PCLO: variants seen among roughly 807,000 people sequenced by gnomAD.
The protein encoded by PCLO is protein piccolo.
A neutral mutation model predicts 427.5 loss-of-function variants in PCLO; 82 were observed. That is an observed-to-expected ratio of 0.19 (90% CI 0.16 to 0.23). The LOEUF (loss-of-function observed/expected upper bound fraction) is 0.23. PCLO is among the 10% of genes least tolerant of loss of function. The pLI is 1.00. For synonymous variants in PCLO, 2,357 were observed against 2,155.4 expected (o/e 1.09, Z -2.59); for missense variants, 6,239 against 6,115.9 (o/e 1.02, Z -0.67).
chr7:82,886,137 T>C lies in PCLO; in HGVS notation c.13529-6675A>G, dbSNP rs535302310. Among the ~76,000 whole-genome samples, 10 of 152,236 alleles carry C rather than the reference T, an allele frequency of 6.6e-5. No individual in the cohort carries two copies. In the East Asian group the frequency reaches 1.7e-3, roughly 26 times the overall value. On this transcript the variant is annotated intron_variant, in intron 9 of 24. Coordinates refer to ENST00000333891, the MANE Select transcript of PCLO (RefSeq NM_033026.6). ...CTCAGTCAAGACCAAGGAGAGAAAA[T>C]GCTTTTGGCTTAGGCAGCCCACAAG...
rs762302806 is a variant in PCLO at position 83,162,410 on chromosome 7, T to C, written c.183A>G (p.Ser61=). The change falls in exon 1 of 25, where the codon TCA becomes TCG. Residue 61 remains serine, a synonymous_variant. Transcript: ENST00000333891. The stretch of plus-strand genomic sequence containing the variant: ...TTCCCTTGGGCAGCCCCTGCGCCCT[T>C]GACATGACAGCGGCGATCTGTCTCC... ...EERRQIAAVM[S]RAQGLPKGSV... 6.3e-7 allele frequency: 1 copy of C among 1,598,774 alleles called. No homozygotes were observed. Among genetic ancestry groups the C allele is most frequent in the Non-Finnish European group, 8.5e-7 (1 of 1,172,598 alleles).
intron 6 of PCLO, among the ~76,000 whole-genome samples, chr7:82,919,125 C>T (rs1429709654): frequency 2.0e-5 from 3 of 152,012 alleles, no homozygotes; most frequent in South Asian, 2.1e-4. Flanking sequence ...AATCACTATA[C>T]TTGTCATATG....
chr7:82,784,772 TATC>T (rs1451587283), intron 22 of PCLO, among the ~76,000 whole-genome samples: 2 of 152,338 alleles, frequency 1.3e-5, no homozygotes, highest in Admixed American at 6.5e-5. Flanking sequence ...ACTAAAATAA[TATC>T]ATGCTGTGAA....
At chr7:83,102,007 C>T (rs768643313) in intron 3 of PCLO, among the ~76,000 whole-genome samples, 1 of 151,916 alleles carries the variant, frequency 6.6e-6, no homozygotes, top group South Asian at 2.1e-4. Context: ...ATTCAAAGAA[C>T]TGTATTTTAA....
At position 83,075,596 on chromosome 7, in the gene PCLO, A is replaced by G. The variant is rs186639227; in HGVS notation, c.3300+58654T>C. Among the ~76,000 whole-genome samples, 1,008 of 152,282 alleles carry G rather than the reference A, an allele frequency of 6.6e-3. 7 individuals carry two copies. The highest frequency in any genetic ancestry group is 9.5e-3 in the Non-Finnish European group (649 of 68,006). ...TAAGGACTGATAGGATCAAAGTAGA[A>G]TATTACTTTGAAATAGTCCCTAGAC... On this transcript the variant is annotated intron_variant, in intron 3 of 24. Coordinates refer to ENST00000333891, the MANE Select transcript of PCLO (RefSeq NM_033026.6).
chr7:82,852,361 C>T (rs929522090), intron 10 of PCLO, among the ~76,000 whole-genome samples: 7 of 152,106 alleles, frequency 4.6e-5, no homozygotes, highest in African/African-American at 1.7e-4. Flanking sequence ...GACCCACCCT[C>T]AGTCTGGGTG....
Position 83,095,102 on chromosome 7 carries a change from T to C in PCLO, c.3300+39148A>G, listed in dbSNP as rs527266431. ...TAAATAATCTGGACCTGGAATTTTT[T>C]TGTGGGAGTTTTAAAATTTTAAATT... On this transcript the variant is annotated intron_variant, in intron 3 of 24. Transcript: ENST00000333891. 1.7e-4 allele frequency among the ~76,000 whole-genome samples: 26 copies of C among 152,260 alleles called. No individual in the cohort carries two copies. In the South Asian group the frequency reaches 3.1e-3, roughly 18 times the overall value.
At chr7:82,972,349 T>C (rs766609274) in intron 3 of PCLO, among the ~76,000 whole-genome samples, 51 of 152,042 alleles carry the variant, frequency 3.4e-4, no homozygotes, top group Non-Finnish European at 5.3e-4. Flanking sequence ...CAATTTGCTT[T>C]ATATAACATT....
intron 7 of PCLO, among the ~76,000 whole-genome samples, chr7:82,913,006 A>G (rs986841312): frequency 2.6e-5 from 4 of 152,106 alleles, no homozygotes; most frequent in Non-Finnish European, 4.4e-5. Context: ...GTCATTTTCT[A>G]TCTATAAAAT....
intron 22 of PCLO, among the ~76,000 whole-genome samples, chr7:82,794,706 T>G (rs1401249279): frequency 6.6e-6 from 1 of 151,708 alleles, no homozygotes; most frequent in Non-Finnish European, 1.5e-5. Context: ...ACTCCTGAGT[T>G]GAAGCAATCT....
chr7:83,160,854 G>A (rs1486615668), intron 1 of PCLO, among the ~76,000 whole-genome samples: 1 of 152,134 alleles, frequency 6.6e-6, no homozygotes, highest in African/African-American at 2.4e-5. Flanking sequence ...CTGGCATACA[G>A]TTCTAAAAGG....
At chr7:83,035,777 T>C (rs868009919) in intron 3 of PCLO, among the ~76,000 whole-genome samples, 11 of 152,194 alleles carry the variant, frequency 7.2e-5, no homozygotes, top group Admixed American at 7.2e-4. Context: ...ATAAAAAGTA[T>C]AATGTGAATT....
chr7:83,135,175 G>T lies in PCLO; in HGVS notation c.2375C>A (p.Thr792Asn). The T allele has an allele frequency of 6.2e-7, 1 of 1,613,886 alleles. No homozygotes were observed. Among genetic ancestry groups the T allele is most frequent in the Non-Finnish European group, 8.5e-7 (1 of 1,179,866 alleles). Residue 792 changes from threonine to asparagine, a missense_variant, in exon 3 of 25, where the codon ACC becomes AAC. Transcript: ENST00000333891. ...KVQSQAEEKT[T>N]PPLKTDSAKP... is the part of the protein sequence containing the mutation. ...GGCAGAGTCTGTTTTTAGAGGAGGG[G>T]TTGTTTTCTCTTCAGCTTGTGACTG...
intron 3 of PCLO, among the ~76,000 whole-genome samples, chr7:82,981,519 A>T (rs1796146406): frequency 6.6e-6 from 1 of 152,166 alleles, no homozygotes; most frequent in African/African-American, 2.4e-5. Context: ...ACTAAATGAC[A>T]TATGTCAAAA....
chr7:83,004,895 A>G (rs1256772146), intron 3 of PCLO, among the ~76,000 whole-genome samples: 1 of 151,638 alleles, frequency 6.6e-6, no homozygotes, highest in African/African-American at 2.4e-5. Flanking sequence ...TATAAGTCAT[A>G]CAAGTAAATA....
In PCLO at chr7:83,162,385, T is replaced by A. The variant is rs1390443955; in HGVS notation, c.208A>T (p.Ser70Cys). Reference protein sequence around the residue: ...MSRAQGLPKGSVPPAAAESPS... With the variant: ...MSRAQGLPKGCVPPAAAESPS... ...GACTCCGCAGCGGCCGGGGGGACGC[T>A]TCCCTTGGGCAGCCCCTGCGCCCTT... The change falls in exon 1 of 25, where the codon AGC (serine) becomes TGC (cysteine). Residue 70 changes from serine (S) to cysteine (C), a missense_variant. This residue lies in a region of PCLO where 4,677 missense variants were observed against 4,468.4 expected (regional missense o/e 1.05). Coordinates refer to ENST00000333891, the MANE Select transcript of PCLO (RefSeq NM_033026.6). 1 of 1,600,168 alleles carries A rather than the reference T, an allele frequency of 6.2e-7. No individual in the cohort carries two copies. Among genetic ancestry groups the A allele is most frequent in the South Asian group, 1.1e-5 (1 of 88,658 alleles).
rs533139110 is a variant in PCLO, at chr7:83,044,818, T to G, written c.3301-78331A>C. Among the ~76,000 whole-genome samples, 133 of 152,280 alleles carry G rather than the reference T, an allele frequency of 8.7e-4. 2 individuals are homozygous for G. Among genetic ancestry groups the G allele is most frequent in the African/African-American group, 3.1e-3 (128 of 41,568 alleles). On this transcript the variant is annotated intron_variant, in intron 3 of 24. Transcript: ENST00000333891. ...ATCTAAAATAATAATCTTCCCAGTATTATCTGAACTATAAAATGGGGGTGT... is the reference window on the plus strand; with the variant it reads ...ATCTAAAATAATAATCTTCCCAGTAGTATCTGAACTATAAAATGGGGGTGT...
chr7:82,766,792 T>C (rs186319271), intron 22 of PCLO, among the ~76,000 whole-genome samples: 7 of 152,296 alleles, frequency 4.6e-5, no homozygotes, highest in South Asian at 2.1e-4. Context: ...TAATTGAAGT[T>C]CTCAAGTCAT....
At chr7:83,129,579 C>CA (rs1260723736) in intron 3 of PCLO, among the ~76,000 whole-genome samples, 2 of 152,258 alleles carry the variant, frequency 1.3e-5, no homozygotes, top group African/African-American at 4.8e-5. Flanking sequence ...CCAAGGTCCT[C>CA]ATCCCTTGAT....
Sources: allele counts gnomAD v4.1 joint callset (sites outside exome capture counted in the v4.1 genomes callset), GRCh38; gene constraint gnomAD v4.1.1; regional missense constraint gnomAD v4.1.1; transcripts MANE v1.5; gene names NCBI Gene and HGNC (gene_info 2026-07-23, HGNC 2026-07-21).